The following FRMD1 variants were observed in gnomAD, a reference collection of about 807,000 sequenced individuals.
FRMD1 encodes the protein FERM domain-containing protein 1.
In FRMD1, 51 loss-of-function variants were observed where a neutral mutation model predicts 54.9. The observed-to-expected ratio is 0.93, with a 90% CI of 0.74 to 1.17. The LOEUF is 1.17. Among genes scored for constraint, FRMD1 ranks in the 50% most tolerant of loss-of-function variants. FRMD1 has a pLI of 0.00. For missense variants in FRMD1, 729 were observed against 743.0 expected (o/e 0.98, Z 0.22); for synonymous variants, 324 against 306.4 (o/e 1.06, Z -0.60).
At chr6:168,085,157 G>A (rs1800897144), upstream of FRMD1, among the ~76,000 whole-genome samples, 1 of 152,264 alleles carries the variant, frequency 6.6e-6, no homozygotes, top group Admixed American at 6.5e-5. Context: ...GAGCCAGGCA[G>A]TCATTAACTG....
At chr6:168,063,884 G>A in intron 5 of FRMD1, 128 bp from the exon 6 acceptor site, 1 of 1,095,630 alleles carries the variant, frequency 9.1e-7, no homozygotes, top group South Asian at 1.7e-5. Flanking sequence ...CAGGGCCAGG[G>A]CCTGGCTGCT....
At chr6:168,091,134 C>T (rs1449652221) in intron 1 of FRMD1, among the ~76,000 whole-genome samples, 1 of 152,208 alleles carries the variant, frequency 6.6e-6, no homozygotes, top group African/African-American at 2.4e-5. Flanking sequence ...TGCAAAAAGA[C>T]AAAAGATAGC....
intron 1 of FRMD1, among the ~76,000 whole-genome samples, chr6:168,090,242 C>T (rs183504485): frequency 1.8e-4 from 27 of 152,274 alleles, no homozygotes; most frequent in African/African-American, 2.9e-4. Context: ...CTCTCAGCCC[C>T]GTGATCATGC....
intron 2 of FRMD1, among the ~76,000 whole-genome samples, chr6:168,072,071 C>G (rs1030804124): frequency 4.3e-4 from 66 of 152,368 alleles, no homozygotes; most frequent in African/African-American, 1.5e-3. Flanking sequence ...GCGTCCAAGC[C>G]GGGGCTGCCG....
At position 168,059,132 on chromosome 6, in the gene FRMD1, C is replaced by CGGCCTCGGCGCTCTGGCCTCTGGTCCT; in HGVS notation, c.1372_1398dup (p.Arg458_Ala466dup). 1 of 1,575,246 alleles carries CGGCCTCGGCGCTCTGGCCTCTGGTCCT rather than the reference C, an allele frequency of 6.3e-7. No homozygotes were observed. Among genetic ancestry groups the CGGCCTCGGCGCTCTGGCCTCTGGTCCT allele is most frequent in the Non-Finnish European group, 8.6e-7 (1 of 1,164,774 alleles). Reference sequence around the variant, plus strand: ...CGTGGGGGGGACTCTACCTGGTGCACGGCCTCGGCGCTCTGGCCTCTGGTC... The same window carrying CGGCCTCGGCGCTCTGGCCTCTGGTCCT: ...CGTGGGGGGGACTCTACCTGGTGCACGGCCTCGGCGCTCTGGCCTCTGGTCCTGGCCTCGGCGCTCTGGCCTCTGGTC... On this transcript the variant is annotated inframe_insertion, in exon 10 of 11. Coordinates refer to ENST00000283309, the MANE Select transcript of FRMD1 (RefSeq NM_024919.6). This position sits in a 1 kb window ranked among gnomAD's most constrained non-coding sequence, Gnocchi z 4.4.
chr6:168,091,342 T>C lies in FRMD1; in HGVS notation c.-12+10083A>G, dbSNP rs1034789964. ...TCTGCTCTCTGTGCCCCAAAACTGC[T>C]CCAGCTGGTTTTTCTGCCTGGAATG... On this transcript the variant is annotated intron_variant, in intron 1 of 12. Coordinates refer to the FRMD1 transcript ENST00000644440. Among the ~76,000 whole-genome samples, 4 of 152,146 alleles carry C rather than the reference T, an allele frequency of 2.6e-5. No individual in the cohort carries two copies. In the East Asian group the frequency reaches 7.7e-4, roughly 29 times the overall value.
chr6:168,081,565 T>G, upstream of FRMD1: 1 of 1,454,792 alleles, frequency 6.9e-7, no homozygotes, highest in Non-Finnish European at 9.1e-7. Flanking sequence ...GATAGAGGCC[T>G]GCTGAGAACA....
chr6:168,060,603 T>C (rs1562406771), intron 9 of FRMD1, among the ~76,000 whole-genome samples, 158 bp downstream of exon 9: 1 of 152,192 alleles, frequency 6.6e-6, no homozygotes, highest in East Asian at 1.9e-4. Context: ...TTCTGGCACA[T>C]TTCCTGGGAC....
chr6:168,076,406 C>T (rs1162508451), intron 1 of FRMD1, among the ~76,000 whole-genome samples: 1 of 152,208 alleles, frequency 6.6e-6, no homozygotes, highest in African/African-American at 2.4e-5. Context: ...CCACCCAAAT[C>T]GCATCTTGAA....
rs778553583 is a variant in FRMD1, at chr6:168,057,010, G to A, written c.*87C>T. The A allele has an allele frequency of 4.1e-4, 567 of 1,380,492 alleles. 2 individuals carry two copies. Among genetic ancestry groups the A allele is most frequent in the Non-Finnish European group, 4.8e-4 (510 of 1,057,510 alleles). 85.5% of individuals were successfully genotyped at this position (1,380,492 alleles called of 1,614,324 possible). A position where few individuals can be genotyped will look rare whatever the true frequency, so the allele number is the denominator to read the frequency against. ...TGCGGAAGTGCAGGCAGCATCTGGCGGGCAGGAAGGGACGAGGGCCATGTG... is the reference window on the plus strand; with the variant it reads ...TGCGGAAGTGCAGGCAGCATCTGGCAGGCAGGAAGGGACGAGGGCCATGTG... On this transcript the variant is annotated 3_prime_UTR_variant, in exon 11 of 11. Coordinates refer to ENST00000283309, the MANE Select transcript of FRMD1 (RefSeq NM_024919.6).
At chr6:168,062,596 G>A in intron 7 of FRMD1, 1 of 1,422,634 alleles carries the variant, frequency 7.0e-7, no homozygotes, top group Non-Finnish European at 9.6e-7. Context: ...GTGCAGAATT[G>A]TCCAGAAAAT....
chr6:168,066,166 A>C, intron 4 of FRMD1: 1 of 986,494 alleles, frequency 1.0e-6, no homozygotes. Context: ...CCCGGATGGT[A>C]TACCCACCCT....
upstream of FRMD1, among the ~76,000 whole-genome samples, chr6:168,082,459 C>T (rs376066630): frequency 5.9e-5 from 9 of 152,320 alleles, no homozygotes; most frequent in East Asian, 1.9e-4. Context: ...CAGGGGTGCC[C>T]GCTGGGTCCC....
In FRMD1 at chr6:168,059,524, C is replaced by T. The variant is rs114813571; in HGVS notation, c.1343-336G>A. Among the ~76,000 whole-genome samples the T allele has an allele frequency of 4.9e-3, 744 of 152,290 alleles. 8 individuals are homozygous for T. The highest frequency in any genetic ancestry group is 0.017 in the African/African-American group (709 of 41,560). ...AATGGCGGACACAGTGGCTTAGTGA[C>T]AGGAATGCCTGGCCCTGGGAGGCCC... is the stretch of plus-strand genomic sequence containing the variant. On this transcript the variant is annotated intron_variant, in intron 9 of 10. Coordinates refer to ENST00000283309, the MANE Select transcript of FRMD1 (RefSeq NM_024919.6). This position sits in a 1 kb window ranked among gnomAD's most constrained non-coding sequence, Gnocchi z 4.4.
intron 1 of FRMD1, among the ~76,000 whole-genome samples, chr6:168,076,788 C>T (rs1463763776): frequency 2.6e-5 from 4 of 152,244 alleles, no homozygotes; most frequent in Non-Finnish European, 5.9e-5. Context: ...GACGGTAACA[C>T]AGATCTTCAG....
chr6:168,063,460 C>T lies in FRMD1; in HGVS notation c.804+141G>A, dbSNP rs541416950. The T allele has an allele frequency of 1.8e-4, 180 of 991,894 alleles. 1 individual carries two copies. In the South Asian group the frequency reaches 1.8e-3, roughly 10 times the overall value. 61.4% of individuals were successfully genotyped at this position (991,894 alleles called of 1,614,324 possible). A position where few individuals can be genotyped will look rare whatever the true frequency, so the allele number is the denominator to read the frequency against. On this transcript the variant is annotated intron_variant, in intron 6 of 10. Transcript: ENST00000283309. ...ATGGGGGCTCCATCTATCCCTGCCC[C>T]GGGGTCCTGGTCCCACTCTTAGCCA...
At chr6:168,088,856 A>ATGGG (rs1562436407) in intron 1 of FRMD1, among the ~76,000 whole-genome samples, 30 of 151,954 alleles carry the variant, frequency 2.0e-4, no homozygotes, top group Admixed American at 4.6e-4. Context: ...CGTGTGACCC[A>ATGGG]CCGGCCTGCC....
chr6:168,074,270 G>A (rs1800451620), intron 2 of FRMD1, among the ~76,000 whole-genome samples: 1 of 152,156 alleles, frequency 6.6e-6, no homozygotes, highest in African/African-American at 2.4e-5. Context: ...CTCCAGGTAC[G>A]AATTCACATA....
chr6:168,088,468 C>G (rs374854263), intron 1 of FRMD1, among the ~76,000 whole-genome samples: 151 of 152,336 alleles, frequency 9.9e-4, no homozygotes, highest in African/African-American at 3.4e-3. Context: ...GCTTGGAATT[C>G]TCCCTGCTGC....
Sources: allele counts gnomAD v4.1 joint callset (sites outside exome capture counted in the v4.1 genomes callset), GRCh38; gene constraint gnomAD v4.1.1; non-coding constraint Gnocchi (gnomAD v3.1); transcripts MANE v1.5; gene names NCBI Gene and HGNC (gene_info 2026-07-23, HGNC 2026-07-21).